The following KIAA1217 variants were observed in gnomAD, a reference collection of about 807,000 sequenced individuals.
The protein encoded by KIAA1217 is sickle tail protein homolog.
In KIAA1217, 88 loss-of-function variants were observed where a neutral mutation model predicts 163.9. That is an observed-to-expected ratio of 0.54 (90% CI 0.45 to 0.64). The LOEUF is 0.64. Ranked by LOEUF, KIAA1217 falls within the 30% of genes least tolerant of loss-of-function variation. The pLI, the probability that KIAA1217 is intolerant of heterozygous loss-of-function variation, is 0.00. For missense variants in KIAA1217, 2,372 were observed against 2,475.0 expected (o/e 0.96, Z 0.88); for synonymous variants, 903 against 923.1 (o/e 0.98, Z 0.39).
chr10:24,473,153 C>A, intron 5 of KIAA1217, 75 bp from the exon 6 acceptor site: 2 of 1,029,850 alleles, frequency 1.9e-6, no homozygotes, highest in Non-Finnish European at 2.9e-6. Context: ...GGGGAAGTCA[C>A]ACGGTTACAC....
chr10:24,194,737 C>G (rs1455390010), intron 2 of KIAA1217, among the ~76,000 whole-genome samples: 2 of 150,712 alleles, frequency 1.3e-5, no homozygotes, highest in Non-Finnish European at 3.0e-5. Context: ...GCATGCACCA[C>G]CTATAGTCAC....
At chr10:24,071,841 C>G (rs1428729384) in intron 2 of KIAA1217, among the ~76,000 whole-genome samples, 1 of 151,986 alleles carries the variant, frequency 6.6e-6, no homozygotes, top group Non-Finnish European at 1.5e-5. Context: ...AACTATAACA[C>G]AGAGGGACAG....
intron 2 of KIAA1217, chr10:24,239,306 C>T: frequency 1.0e-6 from 1 of 985,334 alleles, no homozygotes; most frequent in African/African-American, 1.7e-5. Context: ...TCTGCTTTAA[C>T]TGCCGCCTCA....
chr10:23,873,092 G>A (rs777293562), intron 1 of KIAA1217, among the ~76,000 whole-genome samples: 1 of 152,050 alleles, frequency 6.6e-6, no homozygotes, highest in Non-Finnish European at 1.5e-5. Context: ...AACCAAGTTA[G>A]AAGCAGGATA....
At chr10:23,851,082 A>G (rs1427971725) in intron 1 of KIAA1217, among the ~76,000 whole-genome samples, 1 of 152,092 alleles carries the variant, frequency 6.6e-6, no homozygotes, top group Non-Finnish European at 1.5e-5. Context: ...TTACATATGT[A>G]TACATGTGCC....
At position 23,828,145 on chromosome 10, in the gene KIAA1217, G is replaced by A. The variant is rs562435566; in HGVS notation, c.-321+132911G>A. ...CAAGGAACAGGGTGTTCCTGGGTCTGGCTCTGAGCCCTTGTTTAGTTCGGA... is the reference window on the plus strand; with the variant it reads ...CAAGGAACAGGGTGTTCCTGGGTCTAGCTCTGAGCCCTTGTTTAGTTCGGA... On this transcript the variant is annotated intron_variant, in intron 1 of 18. Transcript: ENST00000376462. Among the ~76,000 whole-genome samples the A allele has an allele frequency of 4.6e-5, 7 of 152,296 alleles. No individual in the cohort carries two copies. The South Asian group carries it at 1.4e-3, about 32-fold the overall frequency.
chr10:24,167,399 T>C (rs1359113951), intron 2 of KIAA1217, among the ~76,000 whole-genome samples: 2 of 152,014 alleles, frequency 1.3e-5, no homozygotes, highest in East Asian at 3.9e-4. Flanking sequence ...AAAGGTGTCA[T>C]AGCATTGGTG....
At chr10:24,164,747 C>A (rs2065267806) in intron 2 of KIAA1217, among the ~76,000 whole-genome samples, 1 of 152,140 alleles carries the variant, frequency 6.6e-6, no homozygotes, top group South Asian at 2.1e-4. Context: ...TAACCCCCAA[C>A]AATTGGGAGC....
intron 1 of KIAA1217, among the ~76,000 whole-genome samples, chr10:23,779,552 C>T (rs1453874130): frequency 1.3e-5 from 2 of 152,260 alleles, no homozygotes; most frequent in South Asian, 2.1e-4. Context: ...ACAAATTCTA[C>T]GATGAACCCT....
rs571282089 is a variant in KIAA1217, at chr10:23,922,065, C to T, written c.-320-85160C>T. ...ACCCCCCACCCCCCACCAACAGCCT[C>T]CTGGGAGCAGAGAGTGGCTGGAGAT... On this transcript the variant is annotated intron_variant, in intron 1 of 18. Coordinates refer to the KIAA1217 transcript ENST00000376462. Among the ~76,000 whole-genome samples the T allele has an allele frequency of 5.3e-5, 8 of 152,052 alleles. No individual in the cohort carries two copies. The South Asian group carries it at 1.5e-3, about 28-fold the overall frequency.
intron 2 of KIAA1217, among the ~76,000 whole-genome samples, chr10:24,343,106 C>T (rs1016086316): frequency 3.3e-5 from 5 of 152,148 alleles, no homozygotes; most frequent in Admixed American, 1.3e-4. Flanking sequence ...CAATTTCTTA[C>T]GAAGGCAAAG....
intron 2 of KIAA1217, among the ~76,000 whole-genome samples, chr10:24,193,802 ACACACAC>A: frequency 2.0e-4 from 1 of 4,970 alleles, no homozygotes; most frequent in Non-Finnish European, 1.1e-3. Flanking sequence ...AGCGTTTTCT[ACACACAC>A]ACACACACAC....
At chr10:24,361,337 G>A (rs933107853) in intron 2 of KIAA1217, among the ~76,000 whole-genome samples, 4 of 152,046 alleles carry the variant, frequency 2.6e-5, no homozygotes, top group East Asian at 1.9e-4. Flanking sequence ...GCAGGCAGAC[G>A]CCACCATGCC....
intron 16 of KIAA1217, among the ~76,000 whole-genome samples, chr10:24,533,818 T>C (rs368676284): frequency 6.6e-6 from 1 of 152,242 alleles, no homozygotes; most frequent in Non-Finnish European, 1.5e-5. Flanking sequence ...AGATATTTAT[T>C]TTTTAACTAT....
In KIAA1217 at chr10:24,543,468, G is replaced by A. The variant is rs768943038; in HGVS notation, c.4198G>A (p.Val1400Met). The A allele has an allele frequency of 1.2e-6, 2 of 1,613,996 alleles. No individual in the cohort carries two copies. The highest frequency in any genetic ancestry group is 1.7e-6 in the Non-Finnish European group (2 of 1,180,032). Residue 1400 changes from valine (V) to methionine (M), a missense_variant, in exon 19 of 21, where the codon GTG becomes ATG. Physicochemically the swap from Val to Met is conservative, Grantham distance 21. Transcript: ENST00000376454. ...TGTCCAGGTTCTTTCCAGTGGGGAG[G>A]TGCATGATATTGTTAGCCAAAAGGG... ...TTVQVLSSGEVHDIVSQKGED... is the reference protein window; with the variant it reads ...TTVQVLSSGEMHDIVSQKGED...
At chr10:24,179,177 A>G (rs553871430) in intron 2 of KIAA1217, among the ~76,000 whole-genome samples, 7 of 152,220 alleles carry the variant, frequency 4.6e-5, no homozygotes, top group Non-Finnish European at 7.3e-5. Context: ...AGAGCAATAC[A>G]TTGTGTATAA....
intron 2 of KIAA1217, among the ~76,000 whole-genome samples, chr10:24,378,602 G>A (rs148084294): frequency 5.3e-5 from 8 of 151,338 alleles, no homozygotes; most frequent in African/African-American, 1.9e-4. Context: ...TTTTACCCAT[G>A]GTGCCTAGCA....
chr10:23,878,362 T>C (rs551796401), intron 1 of KIAA1217, among the ~76,000 whole-genome samples: 13 of 152,072 alleles, frequency 8.5e-5, no homozygotes, highest in Admixed American at 7.2e-4. Context: ...GATCTTATTA[T>C]TTGTCTCTTG....
intron 2 of KIAA1217, among the ~76,000 whole-genome samples, chr10:24,379,950 G>C (rs1474812734): frequency 6.6e-6 from 1 of 152,172 alleles, no homozygotes; most frequent in African/African-American, 2.4e-5. Flanking sequence ...TACTTGGGAG[G>C]TTGAGGCAGG....
Sources: gnomAD v4.1 joint callset for allele counts (sites outside exome capture counted in the v4.1 genomes callset) on GRCh38, gnomAD v4.1.1 for gene constraint, MANE v1.5 for transcripts, NCBI Gene and HGNC (gene_info 2026-07-23, HGNC 2026-07-21) for gene names.